SEC31B: variants seen among roughly 807,000 people sequenced by gnomAD.
The protein encoded by SEC31B is SEC31 homolog B, COPII component.
In SEC31B, 113 loss-of-function variants were observed where a neutral mutation model predicts 135.0. The ratio of observed to expected loss-of-function variants is 0.84; its 90% CI spans 0.72 to 0.98. SEC31B has a LOEUF of 0.98. Among genes scored for constraint, SEC31B ranks in the 50% least tolerant of loss-of-function variants. The pLI, the probability that SEC31B is intolerant of heterozygous loss-of-function variation, is 0.00. For missense variants in SEC31B, 1,296 were observed against 1,421.1 expected (o/e 0.91, Z 1.42); for synonymous variants, 508 against 549.4 (o/e 0.92, Z 1.05).
At chr10:100,519,300 G>C (rs1851906355) in intron 1 of SEC31B, among the ~76,000 whole-genome samples, 1 of 152,250 alleles carries the variant, frequency 6.6e-6, no homozygotes, top group African/African-American at 2.4e-5. Context: ...GGGGGCGTGA[G>C]GGGGAGATGA....
chr10:100,490,155 GCAGAGGGAA>G lies in SEC31B; in HGVS notation c.2809_2817del (p.Phe937_Leu939del). ...CCGGGACCTAGTGGTCTCAGAGGAA[GCAGAGGGAA>G]CAGTCTAGGAGTCTCAGGCAGGGAG... On this transcript the variant is annotated inframe_deletion, in exon 21 of 26. Transcript: ENST00000370345. 6.3e-7 allele frequency: 1 copy of G among 1,599,402 alleles called. No homozygotes were observed. Among genetic ancestry groups the G allele is most frequent in the Non-Finnish European group, 8.5e-7 (1 of 1,173,426 alleles).
At chr10:100,488,549 G>A (rs1851234245) in intron 24 of SEC31B, among the ~76,000 whole-genome samples, 1 of 151,766 alleles carries the variant, frequency 6.6e-6, no homozygotes, top group Non-Finnish European at 1.5e-5. Context: ...AAGGGTAAGT[G>A]ACTTGCTCAA....
chr10:100,489,653 G>A (rs375262805), intron 22 of SEC31B, 50 bp downstream of exon 22: 224 of 1,612,560 alleles, frequency 1.4e-4, no homozygotes, highest in Admixed American at 1.5e-4. Flanking sequence ...GAATTAGAAC[G>A]TGGTCATTGG....
chr10:100,489,807 A>C (rs1399887238), intron 21 of SEC31B, 46 bp from the exon 22 acceptor site: 2 of 1,612,838 alleles, frequency 1.2e-6, no homozygotes, highest in Admixed American at 3.4e-5. Context: ...AGTGAAAAAC[A>C]CTGGAAGTTT....
At chr10:100,517,130 G>C in intron 1 of SEC31B, 133 bp from the exon 2 acceptor site, 1 of 595,908 alleles carries the variant, frequency 1.7e-6, no homozygotes, top group Non-Finnish European at 3.0e-6. Flanking sequence ...ATGACCATCT[G>C]CAGATCTAAA....
At chr10:100,497,379 T>A in intron 16 of SEC31B, 99 bp from the exon 17 acceptor site, 1 of 1,553,648 alleles carries the variant, frequency 6.4e-7, no homozygotes, top group Non-Finnish European at 8.7e-7. Flanking sequence ...CTGGGACAAG[T>A]AGCTGCAGTT....
chr10:100,497,056 T>G, intron 17 of SEC31B, 79 bp downstream of exon 17: 1 of 1,549,796 alleles, frequency 6.5e-7, no homozygotes, highest in South Asian at 1.2e-5. Flanking sequence ...GATTCGCCTC[T>G]GCTAGCTCTG....
chr10:100,489,103 G>A, intron 23 of SEC31B, 129 bp from the exon 24 acceptor site: 2 of 1,457,868 alleles, frequency 1.4e-6, no homozygotes, highest in Non-Finnish European at 9.1e-7. Context: ...GAGATGAGCA[G>A]CCTCCCTTTC....
chr10:100,511,137 T>C (rs759685996), intron 3 of SEC31B, among the ~76,000 whole-genome samples: 1 of 152,232 alleles, frequency 6.6e-6, no homozygotes, highest in South Asian at 2.1e-4. Context: ...GGGCAGTTAC[T>C]TCAGAGTGGC....
Position 100,495,498 on chromosome 10 carries a change from C to T in SEC31B, c.2359G>A (p.Ala787Thr), listed in dbSNP as rs368290309. The change falls in exon 19 of 26, where the codon GCT becomes ACT. Residue 787 changes from alanine to threonine, a missense_variant. Physicochemically the swap from Ala to Thr is moderately conservative, Grantham distance 58. Transcript: ENST00000370345. ...GGGGGAGACTGTTGGCCCAAGACAGCAGAACCTTGAGCATGAAAAAGCCGA... is the reference window on the plus strand; with the variant it reads ...GGGGGAGACTGTTGGCCCAAGACAGTAGAACCTTGAGCATGAAAAAGCCGA... ...RDRLFHAQGS[A>T]VLGQQSPPFP... is the part of the protein sequence containing the mutation. 3.1e-6 allele frequency: 5 copies of T among 1,614,016 alleles called. No individual in the cohort carries two copies.
chr10:100,497,571 C>T (rs1851435919), intron 16 of SEC31B, 96 bp downstream of exon 16: 1 of 1,592,724 alleles, frequency 6.3e-7, no homozygotes, highest in Admixed American at 1.7e-5. Flanking sequence ...TCGCCTCCCA[C>T]AGCTCAGTCT....
At chr10:100,516,842 C>G (rs76554725) in intron 2 of SEC31B, 32 bp downstream of exon 2, 1 of 1,514,194 alleles carries the variant, frequency 6.6e-7, no homozygotes, top group Non-Finnish European at 9.2e-7. Context: ...TTATGTACTC[C>G]CAGTGGATCC....
At position 100,487,634 on chromosome 10, in the gene SEC31B, A is replaced by G; in HGVS notation, c.3522T>C (p.Ala1174=). The G allele has an allele frequency of 6.2e-7, 1 of 1,613,016 alleles. No individual in the cohort carries two copies. Among genetic ancestry groups the G allele is most frequent in the South Asian group, 1.1e-5 (1 of 90,794 alleles). The part of the protein sequence containing the change: ...MPILKAVLII[A]HKLLV ...GCCTGGTTTAGACCAGCAGCTTATGAGCGATGATGAGGACAGCCTTCAGGA... is the reference window on the plus strand; with the variant it reads ...GCCTGGTTTAGACCAGCAGCTTATGGGCGATGATGAGGACAGCCTTCAGGA... The change falls in exon 26 of 26, where the codon GCT becomes GCC. Residue 1174 remains alanine (A), a synonymous_variant. Coordinates refer to ENST00000370345, the MANE Select transcript of SEC31B (RefSeq NM_015490.4).
intron 9 of SEC31B, 160 bp downstream of exon 9, chr10:100,505,880 C>G: frequency 1.3e-6 from 2 of 1,504,318 alleles, no homozygotes. Flanking sequence ...AAACTAACAT[C>G]CTTTCAGGAA....
chr10:100,507,353 T>C lies in SEC31B; in HGVS notation c.782+72A>G, dbSNP rs952844104. 22 of 1,581,646 alleles carry C rather than the reference T, an allele frequency of 1.4e-5. No homozygotes were observed. The African/African-American group carries it at 2.7e-4, about 19-fold the overall frequency. On this transcript the variant is annotated intron_variant, in intron 7 of 25. Transcript: ENST00000370345. ...GATGTTTAGTAGCTAAAGTGAGGGA[T>C]ACATTGCCTCCTACCCAGCCCAGTT...
chr10:100,513,931 T>C (rs1851778839), intron 3 of SEC31B, among the ~76,000 whole-genome samples: 1 of 151,668 alleles, frequency 6.6e-6, no homozygotes, highest in Non-Finnish European at 1.5e-5. Flanking sequence ...ACGCCTATAA[T>C]CCCAGCACTT....
At chr10:100,505,327 A>AAAC (rs1851607919) in intron 10 of SEC31B, 34 bp downstream of exon 10, 1 of 1,543,162 alleles carries the variant, frequency 6.5e-7, no homozygotes, top group South Asian at 1.2e-5. Context: ...CACACACACA[A>AAAC]ACACACACAC....
rs541871887 is a variant in SEC31B, at chr10:100,495,339, G to A, written c.2472+46C>T. ...TTCCAAGTGCCCAGAACCATGCTTG[G>A]CACGTATTATTGAATGAACAAATGA... is the stretch of plus-strand genomic sequence containing the variant. On this transcript the variant is annotated intron_variant, in intron 19 of 25. Transcript: ENST00000370345. The A allele has an allele frequency of 4.8e-5, 75 of 1,549,716 alleles. No homozygotes were observed. In the East Asian group the frequency reaches 1.7e-3, roughly 35 times the overall value.
intron 12 of SEC31B, 108 bp from the exon 13 acceptor site, chr10:100,499,366 G>T (rs555785750): frequency 3.6e-6 from 4 of 1,104,756 alleles, no homozygotes; most frequent in Non-Finnish European, 5.3e-6. Flanking sequence ...TAAGATCCCT[G>T]ATCTATTTTT....
Sources: allele counts gnomAD v4.1 joint callset (sites outside exome capture counted in the v4.1 genomes callset), GRCh38; gene constraint gnomAD v4.1.1; transcripts MANE v1.5; gene names NCBI Gene and HGNC (gene_info 2026-07-23, HGNC 2026-07-21).